Variants in RBM47 observed in about 807,000 individuals in gnomAD.
The protein encoded by RBM47 is RNA-binding protein 47.
A neutral mutation model predicts 47.1 loss-of-function variants in RBM47; 21 were observed. The observed-to-expected ratio is 0.45, with a 90% confidence interval of 0.32 to 0.64. The LOEUF is 0.64. Ranked by LOEUF, RBM47 falls within the 30% of genes least tolerant of loss-of-function variation. The pLI, the probability that RBM47 is intolerant of heterozygous loss-of-function variation, is 0.05. For missense variants in RBM47, 708 were observed against 870.9 expected, an observed-to-expected ratio of 0.81 and a Z score of 2.35; for synonymous variants, 375 against 361.7, an observed-to-expected ratio of 1.04 and a Z score of -0.42.
chr4:40,439,553 G>A (rs1240921190), intron 3 of RBM47, among the ~76,000 whole-genome samples: 1 of 152,152 alleles, frequency 6.6e-6, no homozygotes, highest in African/African-American at 2.4e-5. Context: ...TGGCATTCAG[G>A]TAAAATTCTT....
intron 1 of RBM47, among the ~76,000 whole-genome samples, chr4:40,575,903 A>G (rs1193045304): frequency 6.6e-6 from 1 of 152,146 alleles, no homozygotes; most frequent in East Asian, 1.9e-4. Context: ...CAGCAGGGAG[A>G]GAAAGGGTCT....
intron 3 of RBM47, among the ~76,000 whole-genome samples, chr4:40,440,092 G>A (rs551461362): frequency 6.2e-4 from 94 of 152,180 alleles, no homozygotes; most frequent in Non-Finnish European, 1.1e-3. Context: ...TTATTACGAT[G>A]AGCTGCAGAC....
At chr4:40,619,351 C>T (rs1431569457) in intron 1 of RBM47, among the ~76,000 whole-genome samples, 2 of 152,208 alleles carry the variant, frequency 1.3e-5, no homozygotes, top group African/African-American at 2.4e-5. Context: ...TCACTTGAGC[C>T]CAAGACTTTA....
chr4:40,579,209 T>C (rs4861250), intron 1 of RBM47, among the ~76,000 whole-genome samples: 83,311 of 150,596 alleles, frequency 0.55, 24,100 homozygotes, highest in Non-Finnish European at 0.64. Flanking sequence ...GATCACGAGG[T>C]CAGGAGACTG....
chr4:40,541,263 C>CA (rs113154815), intron 2 of RBM47, among the ~76,000 whole-genome samples: 1,978 of 110,718 alleles, frequency 0.018, 24 homozygotes, highest in African/African-American at 0.032. Flanking sequence ...AAGATTCTCT[C>CA]AAAAAAAAAA....
At chr4:40,569,972 A>C (rs747568498) in intron 1 of RBM47, among the ~76,000 whole-genome samples, 1 of 152,060 alleles carries the variant, frequency 6.6e-6, no homozygotes, top group Non-Finnish European at 1.5e-5. Context: ...TTGGCCTCCC[A>C]AAGTGCTGGG....
intron 1 of RBM47, among the ~76,000 whole-genome samples, chr4:40,548,283 C>G (rs1026446434): frequency 6.6e-6 from 1 of 152,152 alleles, no homozygotes; most frequent in African/African-American, 2.4e-5. Context: ...GACATAAGAG[C>G]GTACAGGATC....
At chr4:40,437,154 A>T (rs1712738605) in intron 4 of RBM47, among the ~76,000 whole-genome samples, 1 of 40,426 alleles carries the variant, frequency 2.5e-5, no homozygotes, top group African/African-American at 6.9e-5. Context: ...TATATATAAA[A>T]TACATATATA....
chr4:40,568,099 C>T (rs1391479569), intron 1 of RBM47, among the ~76,000 whole-genome samples: 1 of 151,134 alleles, frequency 6.6e-6, no homozygotes, highest in African/African-American at 2.4e-5. Context: ...GGTGACCGAG[C>T]GAGACTCTGT....
chr4:40,432,625 G>A (rs746183897), intron 6 of RBM47, 26 bp downstream of exon 6: 2 of 1,609,756 alleles, frequency 1.2e-6, no homozygotes, highest in Non-Finnish European at 1.7e-6. Context: ...ACACACAAAT[G>A]ACAATGCCTG....
At chr4:40,436,745 T>C in intron 4 of RBM47, 98 bp from the exon 5 acceptor site, 1 of 1,130,616 alleles carries the variant, frequency 8.8e-7, no homozygotes, top group Non-Finnish European at 1.3e-6. Context: ...GCCCCAGTCT[T>C]AATTGCAGGT....
intron 1 of RBM47, among the ~76,000 whole-genome samples, chr4:40,562,750 G>A (rs1730754234): frequency 6.6e-6 from 1 of 152,156 alleles, no homozygotes; most frequent in South Asian, 2.1e-4. Flanking sequence ...ACAGGCGTGA[G>A]CCACCGTGCC....
At chr4:40,524,670 A>G (rs931099600) in intron 2 of RBM47, among the ~76,000 whole-genome samples, 3 of 152,150 alleles carry the variant, frequency 2.0e-5, no homozygotes, top group African/African-American at 7.2e-5. Flanking sequence ...GAATGCAGCA[A>G]TGGTGCACAG....
intron 1 of RBM47, among the ~76,000 whole-genome samples, chr4:40,608,913 G>A (rs994631326): frequency 1.7e-4 from 26 of 152,166 alleles, no homozygotes; most frequent in African/African-American, 6.3e-4. Context: ...TGTCATTGCT[G>A]ATTTGGAAAA....
At chr4:40,536,870 C>G (rs1273672745) in intron 2 of RBM47, among the ~76,000 whole-genome samples, 8 of 152,086 alleles carry the variant, frequency 5.3e-5, no homozygotes, top group Admixed American at 5.2e-4. Context: ...GGATTACAGA[C>G]AGCTGCCACC....
At chr4:40,596,522 C>T (rs149249758) in intron 1 of RBM47, among the ~76,000 whole-genome samples, 1,922 of 152,242 alleles carry the variant, frequency 0.013, 20 homozygotes, top group South Asian at 0.02. Context: ...TTGAGCCATA[C>T]AGTTTGAGTG....
At chr4:40,450,034 G>A (rs1397326110) in intron 3 of RBM47, among the ~76,000 whole-genome samples, 1 of 152,110 alleles carries the variant, frequency 6.6e-6, no homozygotes, top group African/African-American at 2.4e-5. Context: ...GGTTGATGGG[G>A]TAATGCTGAA....
At chr4:40,497,446 C>T (rs1283286380) in intron 2 of RBM47, among the ~76,000 whole-genome samples, 1 of 147,290 alleles carries the variant, frequency 6.8e-6, no homozygotes, top group African/African-American at 2.5e-5. Context: ...AGTGGGACCC[C>T]CTTCTCTTCA....
intron 3 of RBM47, among the ~76,000 whole-genome samples, chr4:40,447,512 G>A (rs370878592): frequency 1.3e-5 from 2 of 152,282 alleles, no homozygotes; most frequent in African/African-American, 4.8e-5. Context: ...GTGTACTACT[G>A]GGAAATATTA....
Sources: allele counts gnomAD v4.1 joint callset (sites outside exome capture counted in the v4.1 genomes callset), GRCh38; gene constraint gnomAD v4.1.1; transcripts MANE v1.5; gene names NCBI Gene and HGNC (gene_info 2026-07-23, HGNC 2026-07-21).